TP53BP1: variants seen among roughly 807,000 people sequenced by gnomAD.
TP53BP1 encodes the protein tumor protein p53 binding protein 1.
TP53BP1 carries 61 observed loss-of-function variants against 200.8 expected under a neutral mutation model. The ratio of observed to expected loss-of-function variants is 0.30; its 90% CI spans 0.25 to 0.38. The LOEUF is 0.38. TP53BP1 is among the 10% of genes least tolerant of loss of function. TP53BP1 has a pLI of 1.00. For synonymous variants in TP53BP1, 822 were observed against 844.3 expected (o/e 0.97, Z 0.46); for missense variants, 2,144 against 2,371.9 (o/e 0.90, Z 2.00).
intron 4 of TP53BP1, among the ~76,000 whole-genome samples, chr15:43,486,102 G>A (rs565873588): frequency 4.9e-4 from 74 of 152,124 alleles, no homozygotes; most frequent in Non-Finnish European, 2.4e-4. Flanking sequence ...GGAGGGCCGC[G>A]GAGGTGCCTC....
intron 11 of TP53BP1, among the ~76,000 whole-genome samples, chr15:43,458,443 A>G (rs2046352427): frequency 6.6e-6 from 1 of 151,994 alleles, no homozygotes; most frequent in South Asian, 2.1e-4. Flanking sequence ...ATCTCAAAAA[A>G]AAAAAGCAAA....
chr15:43,418,636 T>C (rs1413116643), intron 21 of TP53BP1, among the ~76,000 whole-genome samples: 1 of 152,074 alleles, frequency 6.6e-6, no homozygotes, highest in Non-Finnish European at 1.5e-5. Flanking sequence ...ATTATTTCCA[T>C]AGAAAGGAGA....
chr15:43,504,336 T>G lies in TP53BP1; in HGVS notation c.-9+6034A>C, dbSNP rs143826235. Among the ~76,000 whole-genome samples the G allele has an allele frequency of 3.4e-3, 512 of 152,266 alleles. 3 individuals are homozygous for G. Among genetic ancestry groups the G allele is most frequent in the Non-Finnish European group, 6.0e-3 (406 of 68,014 alleles). On this transcript the variant is annotated intron_variant, in intron 1 of 27. Transcript: ENST00000263801. Reference sequence around the variant, plus strand: ...CCATAAATACTATTGAATGAATGAATGAATTCCAGGCATTGTGCTAAGCAT... The same window carrying G: ...CCATAAATACTATTGAATGAATGAAGGAATTCCAGGCATTGTGCTAAGCAT...
At chr15:43,508,217 G>C (rs1477323553) in intron 1 of TP53BP1, among the ~76,000 whole-genome samples, 1 of 152,166 alleles carries the variant, frequency 6.6e-6, no homozygotes, top group Non-Finnish European at 1.5e-5. Context: ...AAAATTAGCT[G>C]GGCATGGTGG....
At position 43,407,931 on chromosome 15, in the gene TP53BP1, TC is replaced by T; in HGVS notation, c.5746+11del. The T allele has an allele frequency of 1.9e-6, 3 of 1,608,564 alleles. No individual in the cohort carries two copies. Among genetic ancestry groups the T allele is most frequent in the Non-Finnish European group, 2.5e-6 (3 of 1,179,124 alleles). On this transcript the variant is annotated intron_variant, in intron 27 of 27. Transcript: ENST00000382044. ...CCTGGAACAAAGACACTACACACACTCTTTCAGGTACCTTTGTTATGGGCAC... is the reference window on the plus strand; with the variant it reads ...CCTGGAACAAAGACACTACACACACTTTTCAGGTACCTTTGTTATGGGCAC...
rs1357228633 is a variant in TP53BP1, at chr15:43,492,452, AG to A, written c.23del (p.Pro8LeufsTer18). ...AATCTGAATCCAACTGACTTCCAGTAGGGTCCATCTGCTCCCCTGGAATGGA... is the reference window on the plus strand; with the variant it reads ...AATCTGAATCCAACTGACTTCCAGTAGGTCCATCTGCTCCCCTGGAATGGA... MPGEQMD[P>X]TGSQLDSDFS... is the part of the protein sequence containing the mutation. On this transcript the variant is annotated frameshift_variant, in exon 2 of 28. Transcript: ENST00000382044. LOFTEE classifies it high-confidence loss of function. 1 of 1,613,592 alleles carries A rather than the reference AG, an allele frequency of 6.2e-7. No homozygotes were observed. The highest frequency in any genetic ancestry group is 1.1e-5 in the South Asian group (1 of 91,066).
At chr15:43,415,297 T>C (rs1168532077) in intron 23 of TP53BP1, 1 of 398,922 alleles carries the variant, frequency 2.5e-6, no homozygotes, top group East Asian at 5.9e-5. Context: ...AACCTCCGCC[T>C]TCCTGGGTTC....
chr15:43,458,901 C>T (rs897204070), intron 11 of TP53BP1, among the ~76,000 whole-genome samples: 8 of 152,122 alleles, frequency 5.3e-5, no homozygotes, highest in African/African-American at 1.9e-4. Context: ...TTTGGAAAAA[C>T]AGTATGGCAG....
In TP53BP1 at chr15:43,405,024, T is replaced by G; in HGVS notation, c.*2359A>C. The G allele has an allele frequency of 4.6e-6, 3 of 650,486 alleles. No homozygotes were observed. The allele number at this position is 650,486 out of a possible 1,614,324, so 40.3% of individuals were successfully genotyped here. ...TTCAGAAAATCACTTCATTGTCCTT[T>G]CTCTCTAAAATGTCTGCAAGCAGAT... On this transcript the variant is annotated 3_prime_UTR_variant, in exon 28 of 28. Coordinates refer to ENST00000382044, the MANE Select transcript of TP53BP1 (RefSeq NM_001141980.3).
chr15:43,494,265 C>G (rs922012674), upstream of TP53BP1, among the ~76,000 whole-genome samples: 1 of 152,150 alleles, frequency 6.6e-6, no homozygotes, highest in Non-Finnish European at 1.5e-5. Flanking sequence ...TCGGCACAGC[C>G]CAACCATGAT....
chr15:43,473,729 C>T (rs1017426284), intron 10 of TP53BP1, among the ~76,000 whole-genome samples: 6 of 151,906 alleles, frequency 3.9e-5, no homozygotes, highest in Admixed American at 1.3e-4. Context: ...TACAGAGTGC[C>T]GATTGGTGTA....
In TP53BP1 at chr15:43,456,377, T is replaced by C; in HGVS notation, c.2231A>G (p.Glu744Gly). 6.2e-7 allele frequency: 1 copy of C among 1,607,570 alleles called. No homozygotes were observed. Among genetic ancestry groups the C allele is most frequent in the Non-Finnish European group, 8.5e-7 (1 of 1,178,098 alleles). Residue 744 changes from glutamate (E) to glycine (G), a missense_variant, in exon 12 of 28, where the codon GAA (glutamate) becomes GGA (glycine). Physicochemically the swap from Glu to Gly is moderately conservative, Grantham distance 98. This residue lies in a region of TP53BP1 where 1,700 missense variants were observed against 1,710.3 expected (regional missense o/e 0.99). Coordinates refer to ENST00000382044, the MANE Select transcript of TP53BP1 (RefSeq NM_001141980.3). Reference sequence around the variant, plus strand: ...TTCCCAAGCTTCCTGTTCCTTATGTTCCAATTCTTGGTCAAGTATTGCCAA... The same window carrying C: ...TTCCCAAGCTTCCTGTTCCTTATGTCCCAATTCTTGGTCAAGTATTGCCAA... Reference protein sequence around the residue: ...QKLAILDQELEHKEQEAWEEA... With the variant: ...QKLAILDQELGHKEQEAWEEA...
Position 43,403,449 on chromosome 15 carries a change from T to G in TP53BP1, c.*3934A>C. ...AGTTAAATGTGGCTAGATTGGAGGT[T>G]TGGTGCAGGGCTAAGAGAGTAATAC... On this transcript the variant is annotated 3_prime_UTR_variant, in exon 28 of 28. Transcript: ENST00000382044. 1 of 383,254 alleles carries G rather than the reference T, an allele frequency of 2.6e-6. No homozygotes were observed. The highest frequency in any genetic ancestry group is 4.8e-6 in the Non-Finnish European group (1 of 210,226). 23.7% of individuals were successfully genotyped at this position (383,254 alleles called of 1,614,324 possible).
chr15:43,408,016 C>T lies in TP53BP1; in HGVS notation c.5673G>A (p.Glu1891=), dbSNP rs1232182170. ...CAGTCATGAGGATCTCAGACCAGAG[C>T]TCCAGGAAGTTCTGCTGTTGGTCTG... The part of the protein sequence containing the change: ...LVSDQQQNFL[E]LWSEILMTGG... Residue 1891 remains glutamate (E), a synonymous_variant, in exon 27 of 28, where the codon GAG becomes GAA. Transcript: ENST00000382044. The T allele has an allele frequency of 6.2e-7, 1 of 1,613,990 alleles. No individual in the cohort carries two copies. Among genetic ancestry groups the T allele is most frequent in the Admixed American group, 1.7e-5 (1 of 60,032 alleles).
At chr15:43,448,362 A>G (rs1242964275) in intron 12 of TP53BP1, among the ~76,000 whole-genome samples, 1 of 152,140 alleles carries the variant, frequency 6.6e-6, no homozygotes, top group African/African-American at 2.4e-5. Flanking sequence ...CTGCCCTCTT[A>G]AAACTAATAT....
intron 16 of TP53BP1, among the ~76,000 whole-genome samples, chr15:43,437,739 T>A (rs1364248771): frequency 6.6e-6 from 1 of 152,194 alleles, no homozygotes; most frequent in Non-Finnish European, 1.5e-5. Context: ...CATCAATCTA[T>A]CCAGAATACA....
Position 43,486,024 on chromosome 15 carries a change from G to A in TP53BP1, c.372-5002C>T, listed in dbSNP as rs114373076. On this transcript the variant is annotated intron_variant, in intron 4 of 27. Transcript: ENST00000382044. Reference sequence around the variant, plus strand: ...AAATATATTATTTAGAAGTGTAAACGGAGCCAGAAGAATTAAAATAATTAC... The same window carrying A: ...AAATATATTATTTAGAAGTGTAAACAGAGCCAGAAGAATTAAAATAATTAC... Among the ~76,000 whole-genome samples the A allele has an allele frequency of 2.5e-3, 380 of 152,100 alleles. 3 individuals carry two copies. The highest frequency in any genetic ancestry group is 8.7e-3 in the African/African-American group (362 of 41,482).
intron 1 of TP53BP1, among the ~76,000 whole-genome samples, chr15:43,500,240 C>T (rs1162564567): frequency 6.6e-6 from 1 of 152,182 alleles, no homozygotes; most frequent in Non-Finnish European, 1.5e-5. Flanking sequence ...CTGCAGCCTT[C>T]CCCATCTCAG....
At chr15:43,437,045 G>C (rs554354526) in intron 16 of TP53BP1, among the ~76,000 whole-genome samples, 8 of 152,140 alleles carry the variant, frequency 5.3e-5, no homozygotes, top group Non-Finnish European at 8.8e-5. Context: ...TGTAGTCCTA[G>C]CCACTCAGGG....
Sources: allele counts gnomAD v4.1 joint callset (sites outside exome capture counted in the v4.1 genomes callset), GRCh38; gene constraint gnomAD v4.1.1; regional missense constraint gnomAD v4.1.1; transcripts MANE v1.5; gene names NCBI Gene and HGNC (gene_info 2026-07-23, HGNC 2026-07-21).